Variants in F2RL1 observed in about 807,000 individuals in gnomAD.
The protein encoded by F2RL1 is F2R like trypsin receptor 1, also known as proteinase-activated receptor 2.
In F2RL1, 16 loss-of-function variants were observed where a neutral mutation model predicts 21.7. That is an observed-to-expected ratio of 0.74 (90% confidence interval 0.50 to 1.12). The LOEUF is 1.12. Ranked by LOEUF, F2RL1 falls within the 50% of genes most tolerant of loss-of-function variation. The pLI, the probability that F2RL1 is intolerant of heterozygous loss-of-function variation, is 0.00. For synonymous variants in F2RL1, 181 were observed against 186.7 expected, an observed-to-expected ratio of 0.97 and a Z score of 0.25; for missense variants, 432 against 477.8, an observed-to-expected ratio of 0.90 and a Z score of 0.89.
intron 1 of F2RL1, among the ~76,000 whole-genome samples, chr5:76,830,253 G>A (rs1750326995): frequency 1.3e-5 from 2 of 152,084 alleles, no homozygotes; most frequent in South Asian, 2.1e-4. Flanking sequence ...CCTTTTCTGC[G>A]TGTTGCAGAT....
At chr5:76,823,973 C>T (rs1029660561) in intron 1 of F2RL1, among the ~76,000 whole-genome samples, 23 of 151,602 alleles carry the variant, frequency 1.5e-4, no homozygotes, top group Admixed American at 9.9e-4. Flanking sequence ...CCACCATGCC[C>T]GGCTAATTTT....
intron 1 of F2RL1, among the ~76,000 whole-genome samples, chr5:76,828,717 C>G (rs1750291529): frequency 6.6e-6 from 1 of 151,672 alleles, no homozygotes; most frequent in African/African-American, 2.4e-5. Context: ...TGGTCTCAAA[C>G]TCTTGGCCTC....
At chr5:76,829,951 G>T (rs1054905431) in intron 1 of F2RL1, among the ~76,000 whole-genome samples, 1 of 152,074 alleles carries the variant, frequency 6.6e-6, no homozygotes, top group African/African-American at 2.4e-5. Context: ...AAAAAAAATA[G>T]AACCACTAGA....
At chr5:76,821,437 G>A (rs1750134312) in intron 1 of F2RL1, among the ~76,000 whole-genome samples, 1 of 151,950 alleles carries the variant, frequency 6.6e-6, no homozygotes, top group Non-Finnish European at 1.5e-5. Context: ...TCCATGTGGT[G>A]TTCATTTCAG....
intron 1 of F2RL1, among the ~76,000 whole-genome samples, chr5:76,827,688 C>A (rs1477624192): frequency 1.3e-5 from 2 of 151,134 alleles, no homozygotes; most frequent in Admixed American, 6.6e-5. Flanking sequence ...CAACCTCCGC[C>A]TCCCAAGTTC....
chr5:76,819,068 T>A lies in F2RL1; in HGVS notation c.-115T>A. On this transcript the variant is annotated 5_prime_UTR_variant, in exon 1 of 2. Coordinates refer to ENST00000296677, the MANE Select transcript of F2RL1 (RefSeq NM_005242.6). Reference sequence around the variant, plus strand: ...CCCTGGGGAGGCGCGCAGCAGAGGCTCCGATTCGGGGCAGGTGAGAGGCTG... The same window carrying A: ...CCCTGGGGAGGCGCGCAGCAGAGGCACCGATTCGGGGCAGGTGAGAGGCTG... 1.2e-6 allele frequency: 1 copy of A among 829,108 alleles called. No individual in the cohort carries two copies. Among genetic ancestry groups the A allele is most frequent in the Non-Finnish European group, 1.9e-6 (1 of 537,532 alleles). 51.4% of individuals were successfully genotyped at this position (829,108 alleles called of 1,614,324 possible).
intron 1 of F2RL1, among the ~76,000 whole-genome samples, chr5:76,829,517 C>A (rs544893811): frequency 2.0e-5 from 3 of 152,168 alleles, no homozygotes; most frequent in Admixed American, 1.3e-4. Flanking sequence ...AACACTTTGC[C>A]CCCTTCATTT....
At chr5:76,820,074 C>T (rs1400619184) in intron 1 of F2RL1, among the ~76,000 whole-genome samples, 2 of 152,232 alleles carry the variant, frequency 1.3e-5, no homozygotes, top group East Asian at 1.9e-4. Flanking sequence ...CCCGGAGCGG[C>T]CACTGGCTGC....
At chr5:76,824,163 C>G (rs1228076385) in intron 1 of F2RL1, among the ~76,000 whole-genome samples, 1 of 145,576 alleles carries the variant, frequency 6.9e-6, no homozygotes, top group Non-Finnish European at 1.5e-5. Flanking sequence ...CACCACACCC[C>G]CCCCCCCTTT....
At position 76,833,074 on chromosome 5, in the gene F2RL1, A is replaced by T; in HGVS notation, c.467A>T (p.Tyr156Phe). Residue 156 changes from tyrosine to phenylalanine, a missense_variant, in exon 2 of 2, where the codon TAT becomes TTT. Tyr to Phe is a conservative substitution (Grantham distance 22). Transcript: ENST00000296677. ...ALCNVLIGFF[Y>F]GNMYCSILFM... is the part of the protein sequence containing the mutation. ...TGTAATGTGCTTATTGGCTTTTTCTATGGCAACATGTACTGTTCCATTCTC... is the reference window on the plus strand; with the variant it reads ...TGTAATGTGCTTATTGGCTTTTTCTTTGGCAACATGTACTGTTCCATTCTC... The T allele has an allele frequency of 1.2e-6, 2 of 1,614,202 alleles. No homozygotes were observed. The highest frequency in any genetic ancestry group is 1.7e-5 in the Admixed American group (1 of 60,024).
chr5:76,827,412 T>G (rs1750263290), intron 1 of F2RL1, among the ~76,000 whole-genome samples: 1 of 145,872 alleles, frequency 6.9e-6, no homozygotes, highest in Non-Finnish European at 1.5e-5. Flanking sequence ...GGCAGGAGAA[T>G]GGCATGAACC....
intron 1 of F2RL1, among the ~76,000 whole-genome samples, chr5:76,828,987 G>A (rs1750298119): frequency 6.6e-6 from 1 of 151,926 alleles, no homozygotes; most frequent in Admixed American, 6.6e-5. Flanking sequence ...GTAGTGGTGT[G>A]CACCTGTAAT....
chr5:76,829,372 G>C (rs938267820), intron 1 of F2RL1, among the ~76,000 whole-genome samples: 28 of 151,360 alleles, frequency 1.8e-4, no homozygotes, highest in Non-Finnish European at 4.4e-5. Flanking sequence ...GCTGGGTATT[G>C]AAGGCATGAG....
intron 1 of F2RL1, among the ~76,000 whole-genome samples, chr5:76,824,161 C>CT (rs1393948557): frequency 1.5e-5 from 1 of 66,910 alleles, no homozygotes; most frequent in South Asian, 4.8e-4. Flanking sequence ...CCCACCACAC[C>CT]CCCCCCCCCT....
chr5:76,834,725 G>C lies in F2RL1; in HGVS notation c.*924G>C, dbSNP rs1426111266. Reference sequence around the variant, plus strand: ...GACTGGGAACAGGGCCCAGGAATCTGTGTGGTACAAACCTGCATGGTGTTT... The same window carrying C: ...GACTGGGAACAGGGCCCAGGAATCTCTGTGGTACAAACCTGCATGGTGTTT... On this transcript the variant is annotated 3_prime_UTR_variant, in exon 2 of 2. Transcript: ENST00000296677. The C allele has an allele frequency of 1.3e-5, 2 of 152,094 alleles. No homozygotes were observed. The highest frequency in any genetic ancestry group is 2.9e-5 in the Non-Finnish European group (2 of 68,038). 9.4% of individuals were successfully genotyped at this position (152,094 alleles called of 1,614,324 possible). A position where few individuals can be genotyped will look rare whatever the true frequency, so the allele number is the denominator to read the frequency against.
Position 76,832,699 on chromosome 5 carries a change from G to C in F2RL1, c.92G>C (p.Arg31Thr). Reference protein sequence around the residue: ...SCSGTIQGTSRSSKGRSLIGK... With the variant: ...SCSGTIQGTSTSSKGRSLIGK... ...TTCCTTTCTTGTACAGGAACCAGTA[G>C]ATCCTCTAAAGGAAGAAGCCTTATT... Residue 31 changes from arginine to threonine, a missense_variant, in exon 2 of 2, where the codon AGA becomes ACA. Coordinates refer to ENST00000296677, the MANE Select transcript of F2RL1 (RefSeq NM_005242.6). The C allele has an allele frequency of 6.2e-7, 1 of 1,604,550 alleles. No homozygotes were observed. Among genetic ancestry groups the C allele is most frequent in the South Asian group, 1.1e-5 (1 of 89,756 alleles).
In F2RL1 at chr5:76,832,688, A is replaced by G; in HGVS notation, c.83-2A>G. ...TGACCCTTGTCTTCCTTTCTTGTAC[A>G]GGAACCAGTAGATCCTCTAAAGGAA... On this transcript the variant is annotated splice_acceptor_variant, in intron 1 of 1. Coordinates refer to ENST00000296677, the MANE Select transcript of F2RL1 (RefSeq NM_005242.6). LOFTEE classifies it high-confidence loss of function. The G allele has an allele frequency of 6.3e-7, 1 of 1,592,340 alleles. No homozygotes were observed. The highest frequency in any genetic ancestry group is 8.6e-7 in the Non-Finnish European group (1 of 1,168,166).
In F2RL1 at chr5:76,819,061, C is replaced by T. The variant is rs1205250571; in HGVS notation, c.-122C>T. On this transcript the variant is annotated 5_prime_UTR_variant, in exon 1 of 2. Transcript: ENST00000296677. ...TAACCCGCCCTGGGGAGGCGCGCAGCAGAGGCTCCGATTCGGGGCAGGTGA... is the reference window on the plus strand; with the variant it reads ...TAACCCGCCCTGGGGAGGCGCGCAGTAGAGGCTCCGATTCGGGGCAGGTGA... The T allele has an allele frequency of 6.4e-6, 5 of 779,412 alleles. No homozygotes were observed. Among genetic ancestry groups the T allele is most frequent in the Admixed American group, 2.7e-5 (1 of 36,862 alleles). 48.3% of individuals were successfully genotyped at this position (779,412 alleles called of 1,614,324 possible).
At chr5:76,821,916 A>C (rs1486906356) in intron 1 of F2RL1, among the ~76,000 whole-genome samples, 8 of 152,100 alleles carry the variant, frequency 5.3e-5, no homozygotes, top group Non-Finnish European at 1.2e-4. Context: ...ACAATATGTG[A>C]TCACTCGAGG....
Sources: allele counts gnomAD v4.1 joint callset (sites outside exome capture counted in the v4.1 genomes callset), GRCh38; gene constraint gnomAD v4.1.1; transcripts MANE v1.5; gene names NCBI Gene and HGNC (gene_info 2026-07-23, HGNC 2026-07-21).